Variants in DCP1A observed in about 807,000 individuals in gnomAD.
DCP1A encodes decapping mRNA 1A.
A neutral mutation model predicts 58.0 loss-of-function variants in DCP1A; 20 were observed. The ratio of observed to expected loss-of-function variants is 0.34; its 90% CI spans 0.24 to 0.50. The LOEUF (loss-of-function observed/expected upper bound fraction) is 0.50, where lower values mean the gene tolerates loss of function less well. DCP1A is among the 20% of genes least tolerant of loss of function. The pLI is 0.98. For synonymous variants in DCP1A, 285 were observed against 275.1 expected, an observed-to-expected ratio of 1.04 and a Z score of -0.36; for missense variants, 613 against 712.2, an observed-to-expected ratio of 0.86 and a Z score of 1.59.
At chr3:53,298,768 C>G (rs1027459912) in intron 6 of DCP1A, among the ~76,000 whole-genome samples, 14 of 152,302 alleles carry the variant, frequency 9.2e-5, no homozygotes, top group African/African-American at 3.4e-4. Flanking sequence ...CAAAATGCAT[C>G]AACGTTTGGA....
At chr3:53,322,528 G>T (rs1707998298) in intron 3 of DCP1A, among the ~76,000 whole-genome samples, 1 of 151,208 alleles carries the variant, frequency 6.6e-6, no homozygotes, top group South Asian at 2.1e-4. Context: ...TCTTTCTATT[G>T]TTATTGTAGA....
chr3:53,307,033 T>G (rs1195535803), intron 5 of DCP1A, among the ~76,000 whole-genome samples: 2 of 145,766 alleles, frequency 1.4e-5, no homozygotes, highest in African/African-American at 2.5e-5. Context: ...GCCTCTTGGG[T>G]TCAAGTGATT....
intron 2 of DCP1A, among the ~76,000 whole-genome samples, chr3:53,343,073 C>A (rs2089237622): frequency 6.6e-6 from 1 of 152,220 alleles, no homozygotes. Flanking sequence ...ATCCTTTACT[C>A]TTCACATGTA....
chr3:53,318,994 A>G (rs1163916823), intron 4 of DCP1A, among the ~76,000 whole-genome samples: 2 of 152,184 alleles, frequency 1.3e-5, no homozygotes, highest in African/African-American at 4.8e-5. Flanking sequence ...GCCTTAACCT[A>G]CAGGTCCAAC....
chr3:53,305,644 G>A (rs797024787), intron 5 of DCP1A, among the ~76,000 whole-genome samples: 11 of 152,230 alleles, frequency 7.2e-5, no homozygotes, highest in African/African-American at 2.6e-4. Context: ...GCCACATCGT[G>A]CCTGGCAAAA....
intron 4 of DCP1A, among the ~76,000 whole-genome samples, chr3:53,317,242 C>G (rs141179530): frequency 2.9e-4 from 44 of 152,208 alleles, no homozygotes; most frequent in African/African-American, 9.2e-4. Context: ...CTTGGCTCAC[C>G]GCAACCTCCA....
At chr3:53,294,197 A>G (rs994126715) in intron 6 of DCP1A, among the ~76,000 whole-genome samples, 2 of 152,370 alleles carry the variant, frequency 1.3e-5, no homozygotes, top group South Asian at 2.1e-4. Context: ...CCAGGGGATG[A>G]GCCATCAGGC....
intron 5 of DCP1A, among the ~76,000 whole-genome samples, chr3:53,307,629 TTG>T (rs1440960264): frequency 6.6e-6 from 1 of 152,222 alleles, no homozygotes; most frequent in African/African-American, 2.4e-5. Context: ...CTTGGAGATT[TTG>T]TGTTTGTTAA....
intron 6 of DCP1A, among the ~76,000 whole-genome samples, chr3:53,295,895 T>C (rs62256058): frequency 7.1e-6 from 1 of 140,868 alleles, no homozygotes. Flanking sequence ...CACCATGTGG[T>C]CTTTTTTTTT....
chr3:53,313,114 G>C (rs994200429), intron 4 of DCP1A, among the ~76,000 whole-genome samples: 1 of 151,968 alleles, frequency 6.6e-6, no homozygotes, highest in Non-Finnish European at 1.5e-5. Context: ...GGCTAGCAAG[G>C]ACAAAGTCAG....
chr3:53,296,705 C>T (rs1372169313), intron 6 of DCP1A, among the ~76,000 whole-genome samples: 1 of 152,196 alleles, frequency 6.6e-6, no homozygotes, highest in Non-Finnish European at 1.5e-5. Flanking sequence ...TGTATCAGAA[C>T]TTCACTTATT....
At chr3:53,292,857 A>C (rs1553686368) in intron 6 of DCP1A, 30 bp from the exon 7 acceptor site, 1 of 1,579,628 alleles carries the variant, frequency 6.3e-7, no homozygotes, top group African/African-American at 1.4e-5. Flanking sequence ...ACCCAGTCAA[A>C]GAGGTCTGTT....
intron 3 of DCP1A, among the ~76,000 whole-genome samples, chr3:53,340,825 C>G (rs1266120475): frequency 6.6e-6 from 1 of 152,176 alleles, no homozygotes; most frequent in Admixed American, 6.5e-5. Context: ...TCTAGCTTTG[C>G]TGACTACATC....
chr3:53,332,725 T>A (rs1342506100), intron 3 of DCP1A, among the ~76,000 whole-genome samples: 1 of 151,828 alleles, frequency 6.6e-6, no homozygotes, highest in Non-Finnish European at 1.5e-5. Context: ...ATTAGCCGGG[T>A]GTGGTGGCGG....
rs144263876 is a variant in DCP1A at position 53,336,684 on chromosome 3, G to A, written c.304+5460C>T. On this transcript the variant is annotated intron_variant, in intron 3 of 9. Transcript: ENST00000610213. ...GGATCTACATTTGCTTCTGCCAGATGCCGTAGAGTAATCACCAGCTGATGA... is the reference window on the plus strand; with the variant it reads ...GGATCTACATTTGCTTCTGCCAGATACCGTAGAGTAATCACCAGCTGATGA... Among the ~76,000 whole-genome samples, 349 of 152,226 alleles carry A rather than the reference G, an allele frequency of 2.3e-3. 2 individuals are homozygous for A. The highest frequency in any genetic ancestry group is 8.2e-3 in the African/African-American group (341 of 41,522).
At chr3:53,347,145 A>G (rs1553693228) in intron 1 of DCP1A, among the ~76,000 whole-genome samples, 1 of 151,744 alleles carries the variant, frequency 6.6e-6, no homozygotes, top group Non-Finnish European at 1.5e-5. Context: ...TCCTGCTCCA[A>G]TCCTCCCCTC....
Position 53,290,876 on chromosome 3 carries a change from A to C in DCP1A, c.1384-20T>G. ...CATAGACTGAAATGTTTATGAAGAA[A>C]AGACAGACGGATATAAGAAGTTTCA... On this transcript the variant is annotated intron_variant, in intron 7 of 9. Coordinates refer to ENST00000610213, the MANE Select transcript of DCP1A (RefSeq NM_018403.7). The C allele has an allele frequency of 1.3e-6, 2 of 1,596,986 alleles. No individual in the cohort carries two copies. The highest frequency in any genetic ancestry group is 1.7e-6 in the Non-Finnish European group (2 of 1,168,798).
Position 53,292,717 on chromosome 3 carries a change from C to A in DCP1A, c.735G>T (p.Leu245Phe), listed in dbSNP as rs782617481. ...GCTCTTTCTGGGAGGCATCTCCTGG[C>A]AACCTCTCCATTTCTTCTGAATCCA... ...VGLDSEEMER[L>F]PGDASQKEPN... Residue 245 changes from leucine to phenylalanine, a missense_variant, in exon 7 of 10, where the codon TTG (leucine) becomes TTT (phenylalanine). This residue lies in a region of DCP1A where 498 missense variants were observed against 556.7 expected (regional missense o/e 0.89). Coordinates refer to ENST00000610213, the MANE Select transcript of DCP1A (RefSeq NM_018403.7). 1 of 1,613,902 alleles carries A rather than the reference C, an allele frequency of 6.2e-7. No homozygotes were observed. The highest frequency in any genetic ancestry group is 8.5e-7 in the Non-Finnish European group (1 of 1,179,888).
At chr3:53,293,206 G>A (rs782648333) in intron 6 of DCP1A, among the ~76,000 whole-genome samples, 20 of 152,120 alleles carry the variant, frequency 1.3e-4, no homozygotes, top group Non-Finnish European at 2.5e-4. Context: ...TACTTTCACT[G>A]TTCTCAATGA....
Sources: gnomAD v4.1 joint callset for allele counts (sites outside exome capture counted in the v4.1 genomes callset) on GRCh38, gnomAD v4.1.1 for gene constraint, gnomAD v4.1.1 regional missense constraint, MANE v1.5 for transcripts, NCBI Gene and HGNC (gene_info 2026-07-23, HGNC 2026-07-21) for gene names.